The following FEM1B variants were observed in gnomAD, a reference collection of about 807,000 sequenced individuals.
FEM1B encodes the protein fem-1 homolog B.
FEM1B carries 10 observed loss-of-function variants against 38.6 expected under a neutral mutation model. The observed-to-expected ratio is 0.26, with a 90% CI of 0.16 to 0.44. FEM1B has a LOEUF of 0.44. Ranked by LOEUF, FEM1B falls within the 20% of genes least tolerant of loss-of-function variation. The pLI, the probability that FEM1B is intolerant of heterozygous loss-of-function variation, is 1.00. For missense variants in FEM1B, 471 were observed against 786.7 expected (o/e 0.60, Z 4.80); for synonymous variants, 288 against 288.0 (o/e 1.00, Z 0.00).
At position 68,290,890 on chromosome 15, in the gene FEM1B, A is replaced by G; in HGVS notation, c.1532A>G (p.Asn511Ser). ...ACCAATGACGTCTGCAGCTTTCCAAATGCACTTGTCACAAAGCTCCTGCTG... is the reference window on the plus strand; with the variant it reads ...ACCAATGACGTCTGCAGCTTTCCAAGTGCACTTGTCACAAAGCTCCTGCTG... The part of the protein sequence containing the change: ...FHTNDVCSFP[N>S]ALVTKLLLDC... The change falls in exon 2 of 2, where the codon AAT becomes AGT. Residue 511 changes from asparagine (N) to serine (S), a missense_variant. By Grantham distance (46) the Asn-to-Ser change is conservative. Coordinates refer to ENST00000306917, the MANE Select transcript of FEM1B (RefSeq NM_015322.5). This position sits in a 1 kb window ranked among gnomAD's most constrained non-coding sequence, Gnocchi z 9.7. 6.2e-7 allele frequency: 1 copy of G among 1,614,120 alleles called. No individual in the cohort carries two copies. Among genetic ancestry groups the G allele is most frequent in the Non-Finnish European group, 8.5e-7 (1 of 1,180,006 alleles).
At position 68,289,641 on chromosome 15, in the gene FEM1B, G is replaced by A. The variant is rs575989227; in HGVS notation, c.283G>A (p.Ala95Thr). Residue 95 changes from alanine to threonine, a missense_variant, in exon 2 of 2, where the codon GCA becomes ACA. Coordinates refer to ENST00000306917, the MANE Select transcript of FEM1B (RefSeq NM_015322.5). The surrounding 1 kb of genome is among the most constrained non-coding windows in gnomAD (Gnocchi z 6.9). ...TGATGGTGCCACTGCTCTTTGGTGT[G>A]CAGCTGGAGCAGGACATTTTGAAGT... ...VIDGATALWC[A>T]AGAGHFEVVK... The A allele has an allele frequency of 6.2e-7, 1 of 1,614,076 alleles. No individual in the cohort carries two copies. The highest frequency in any genetic ancestry group is 8.5e-7 in the Non-Finnish European group (1 of 1,179,980).
chr15:68,295,329 A>T lies in FEM1B; in HGVS notation c.*4087A>T, dbSNP rs12594282. 11 of 152,322 alleles carry T rather than the reference A, an allele frequency of 7.2e-5. No homozygotes were observed. The East Asian group carries it at 2.1e-3, about 29-fold the overall frequency. 9.4% of individuals were successfully genotyped at this position (152,322 alleles called of 1,614,324 possible). Reference sequence around the variant, plus strand: ...AGCGAAGATGCAAGCTTGCCAAATGATGAAATGAACAAGATTTTGTATCTA... The same window carrying T: ...AGCGAAGATGCAAGCTTGCCAAATGTTGAAATGAACAAGATTTTGTATCTA... On this transcript the variant is annotated 3_prime_UTR_variant, in exon 2 of 2. Transcript: ENST00000306917.
rs55941639 is a variant in FEM1B, at chr15:68,277,828, G to A, written c.-590G>A. Reference sequence around the variant, plus strand: ...CGCTCTTGCGGGAGCGTTCCGCATCGCCCCGGGGGCCCCTACGCGAGGATC... The same window carrying A: ...CGCTCTTGCGGGAGCGTTCCGCATCACCCCGGGGGCCCCTACGCGAGGATC... On this transcript the variant is annotated 5_prime_UTR_variant, in exon 1 of 2. Transcript: ENST00000306917. 50,628 of 152,086 alleles carry A rather than the reference G, an allele frequency of 0.33. 9,035 individuals carry two copies. The highest frequency in any genetic ancestry group is 0.42 in the African/African-American group (17,315 of 41,438). 9.4% of individuals were successfully genotyped at this position (152,086 alleles called of 1,614,324 possible). A position where few individuals can be genotyped will look rare whatever the true frequency, so the allele number is the denominator to read the frequency against.
chr15:68,278,007 C>T lies in FEM1B; in HGVS notation c.-411C>T, dbSNP rs965287779. 15 of 201,646 alleles carry T rather than the reference C, an allele frequency of 7.4e-5. 1 individual carries two copies. The South Asian group carries it at 9.4e-4, about 13-fold the overall frequency. 12.5% of individuals were successfully genotyped at this position (201,646 alleles called of 1,614,324 possible). On this transcript the variant is annotated 5_prime_UTR_variant, in exon 1 of 2. Coordinates refer to ENST00000306917, the MANE Select transcript of FEM1B (RefSeq NM_015322.5). The surrounding 1 kb of genome is among the most constrained non-coding windows in gnomAD (Gnocchi z 5.7). ...GCCGGGTCAGGAGAGACGCGCCCAT[C>T]TTTCGCCATCCGGGGTGCGCGAGGT...
intron 1 of FEM1B, among the ~76,000 whole-genome samples, chr15:68,286,402 G>C (rs894164296): frequency 1.3e-5 from 2 of 151,880 alleles, no homozygotes; most frequent in African/African-American, 4.8e-5. Context: ...TTAGAGAGAG[G>C]TTCTCGCACT....
chr15:68,283,796 T>C (rs1892754013), intron 1 of FEM1B, among the ~76,000 whole-genome samples: 1 of 152,142 alleles, frequency 6.6e-6, no homozygotes, highest in Non-Finnish European at 1.5e-5. Context: ...TTGAAACAAA[T>C]GTTTGAACAA....
chr15:68,287,422 A>G (rs951284925), intron 1 of FEM1B, among the ~76,000 whole-genome samples: 1 of 152,200 alleles, frequency 6.6e-6, no homozygotes, highest in Non-Finnish European at 1.5e-5. Context: ...CTTCCCAGCC[A>G]GTCCTAGCCT....
chr15:68,278,304 C>T lies in FEM1B; in HGVS notation c.-114C>T, dbSNP rs1892684595. 8 of 1,377,906 alleles carry T rather than the reference C, an allele frequency of 5.8e-6. No homozygotes were observed. The highest frequency in any genetic ancestry group is 7.7e-6 in the Non-Finnish European group (8 of 1,033,738). The allele number at this position is 1,377,906 out of a possible 1,614,324, so 85.4% of individuals were successfully genotyped here. On this transcript the variant is annotated 5_prime_UTR_variant, in exon 1 of 2. Coordinates refer to ENST00000306917, the MANE Select transcript of FEM1B (RefSeq NM_015322.5). The surrounding 1 kb of genome is among the most constrained non-coding windows in gnomAD (Gnocchi z 5.7). ...CTGGGCGCGGCGGCGGCGACGGCGCCCTGTTGAATGGGCTGTGAGGGCCCA... is the reference window on the plus strand; with the variant it reads ...CTGGGCGCGGCGGCGGCGACGGCGCTCTGTTGAATGGGCTGTGAGGGCCCA...
rs1343621429 is a variant in FEM1B, at chr15:68,290,264, T to C, written c.906T>C (p.Tyr302=). Reference sequence around the variant, plus strand: ...AGGTTCTTCCACCAATCCATGCTTATGGGAATAGAACTGAATGTAGAAATC... The same window carrying C: ...AGGTTCTTCCACCAATCCATGCTTACGGGAATAGAACTGAATGTAGAAATC... ...EKEVLPPIHA[Y]GNRTECRNPQ... The change falls in exon 2 of 2, where the codon TAT becomes TAC. Residue 302 remains tyrosine, a synonymous_variant. Transcript: ENST00000306917. The surrounding 1 kb of genome is among the most constrained non-coding windows in gnomAD (Gnocchi z 9.7). 1 of 1,614,112 alleles carries C rather than the reference T, an allele frequency of 6.2e-7. No homozygotes were observed. Among genetic ancestry groups the C allele is most frequent in the Admixed American group, 1.7e-5 (1 of 60,028 alleles).
In FEM1B at chr15:68,278,729, C is replaced by A. The variant is rs1595838833; in HGVS notation, c.248+64C>A. On this transcript the variant is annotated intron_variant, in intron 1 of 1. Coordinates refer to ENST00000306917, the MANE Select transcript of FEM1B (RefSeq NM_015322.5). The surrounding 1 kb of genome is among the most constrained non-coding windows in gnomAD (Gnocchi z 5.7). ...GGACTCGTTAATTCACGGGCCCTCCCCTCCCTCACCCTCTCTTACCCTCTC... is the reference window on the plus strand; with the variant it reads ...GGACTCGTTAATTCACGGGCCCTCCACTCCCTCACCCTCTCTTACCCTCTC... 3.8e-6 allele frequency: 6 copies of A among 1,583,652 alleles called. No homozygotes were observed. The highest frequency in any genetic ancestry group is 1.7e-4 in the Middle Eastern group (1 of 5,898).
chr15:68,289,330 C>CGTGAT lies in FEM1B; in HGVS notation c.249-277_249-276insGTGAT. On this transcript the variant is annotated intron_variant, in intron 1 of 1. Coordinates refer to ENST00000306917, the MANE Select transcript of FEM1B (RefSeq NM_015322.5). The surrounding 1 kb of genome is among the most constrained non-coding windows in gnomAD (Gnocchi z 6.9). ...CTCTGTGCCTTCTGAAGTGTCTTTA[C>CGTGAT]TTTTGCTAGTAGAAAGTTCGTGATT... is the stretch of plus-strand genomic sequence containing the variant. 2.9e-6 allele frequency: 1 copy of CGTGAT among 347,228 alleles called. No homozygotes were observed. Among genetic ancestry groups the CGTGAT allele is most frequent in the Non-Finnish European group, 5.3e-6 (1 of 189,844 alleles). The allele number at this position is 347,228 out of a possible 1,614,324, so 21.5% of individuals were successfully genotyped here. A position where few individuals can be genotyped will look rare whatever the true frequency, so the allele number is the denominator to read the frequency against.
At position 68,291,086 on chromosome 15, in the gene FEM1B, G is replaced by A. The variant is rs1892842798; in HGVS notation, c.1728G>A (p.Pro576=). The A allele has an allele frequency of 3.7e-6, 6 of 1,614,052 alleles. No individual in the cohort carries two copies. The highest frequency in any genetic ancestry group is 1.1e-5 in the South Asian group (1 of 91,070). Reference sequence around the variant, plus strand: ...TGACGAATAAACAGAATAAGACTCCGCTAGACAAAAGTACAACTGGGGTAT... The same window carrying A: ...TGACGAATAAACAGAATAAGACTCCACTAGACAAAAGTACAACTGGGGTAT... ...TDMTNKQNKT[P]LDKSTTGVSE... is the part of the protein sequence containing the mutation. The change falls in exon 2 of 2, where the codon CCG becomes CCA. Residue 576 remains proline (P), a synonymous_variant. Coordinates refer to ENST00000306917, the MANE Select transcript of FEM1B (RefSeq NM_015322.5). This position sits in a 1 kb window ranked among gnomAD's most constrained non-coding sequence, Gnocchi z 6.9.
rs577764882 is a variant in FEM1B, at chr15:68,281,068, T to A, written c.248+2403T>A. 6.6e-6 allele frequency among the ~76,000 whole-genome samples: 1 copy of A among 152,374 alleles called. No individual in the cohort carries two copies. Among genetic ancestry groups the A allele is most frequent in the Admixed American group, 6.5e-5 (1 of 15,310 alleles). On this transcript the variant is annotated intron_variant, in intron 1 of 1. Coordinates refer to ENST00000306917, the MANE Select transcript of FEM1B (RefSeq NM_015322.5). The surrounding 1 kb of genome is among the most constrained non-coding windows in gnomAD (Gnocchi z 5.1). Reference sequence around the variant, plus strand: ...ATTTTGCAGTTTATCCCAGTCATTTTAGGATTTTAGAACCAAAAAAGAGTG... The same window carrying A: ...ATTTTGCAGTTTATCCCAGTCATTTAAGGATTTTAGAACCAAAAAAGAGTG...
intron 1 of FEM1B, among the ~76,000 whole-genome samples, chr15:68,287,985 A>T (rs1476889468): frequency 6.6e-6 from 1 of 152,084 alleles, no homozygotes; most frequent in Non-Finnish European, 1.5e-5. Flanking sequence ...GTGTGCCACC[A>T]TGCCCGGCTA....
In FEM1B at chr15:68,278,162, T is replaced by G. The variant is rs2140240384; in HGVS notation, c.-256T>G. 2.3e-6 allele frequency: 1 copy of G among 440,566 alleles called. No homozygotes were observed. The highest frequency in any genetic ancestry group is 4.0e-6 in the Non-Finnish European group (1 of 248,174). 27.3% of individuals were successfully genotyped at this position (440,566 alleles called of 1,614,324 possible). A position where few individuals can be genotyped will look rare whatever the true frequency, so the allele number is the denominator to read the frequency against. On this transcript the variant is annotated 5_prime_UTR_variant, in exon 1 of 2. Transcript: ENST00000306917. The surrounding 1 kb of genome is among the most constrained non-coding windows in gnomAD (Gnocchi z 5.7). Reference sequence around the variant, plus strand: ...ATCCCCTCGGTCCAGGGCCGGCGCCTGGGACCTGGCGGGCGGCCCTGACCG... The same window carrying G: ...ATCCCCTCGGTCCAGGGCCGGCGCCGGGGACCTGGCGGGCGGCCCTGACCG...
intron 1 of FEM1B, among the ~76,000 whole-genome samples, chr15:68,283,011 A>G (rs1892744324): frequency 6.6e-6 from 1 of 152,176 alleles, no homozygotes; most frequent in Non-Finnish European, 1.5e-5. Flanking sequence ...CCTCAATAGA[A>G]ATAGGTAATT....
chr15:68,287,830 CTTTTTTTTTTT>C (rs71455589), intron 1 of FEM1B, among the ~76,000 whole-genome samples: 2 of 114,680 alleles, frequency 1.7e-5, no homozygotes, highest in Non-Finnish European at 3.7e-5. Context: ...GCTAACGTCT[CTTTTTTTTTTT>C]TTTTTTTTTT....
intron 1 of FEM1B, among the ~76,000 whole-genome samples, chr15:68,279,552 A>C (rs1335391156): frequency 6.6e-6 from 1 of 151,946 alleles, no homozygotes; most frequent in East Asian, 1.9e-4. Flanking sequence ...GTTTTGGTTG[A>C]CTTGTGGTAG....
In FEM1B at chr15:68,293,213, A is replaced by T. The variant is rs1415536651; in HGVS notation, c.*1971A>T. On this transcript the variant is annotated 3_prime_UTR_variant, in exon 2 of 2. Transcript: ENST00000306917. This position sits in a 1 kb window ranked among gnomAD's most constrained non-coding sequence, Gnocchi z 5.8. Reference sequence around the variant, plus strand: ...ATGCTTTTTCCACAGTTCAGATCAGACCCTTTATTTTTCAAACTACAAGGC... The same window carrying T: ...ATGCTTTTTCCACAGTTCAGATCAGTCCCTTTATTTTTCAAACTACAAGGC... 2 of 152,122 alleles carry T rather than the reference A, an allele frequency of 1.3e-5. No individual in the cohort carries two copies. The highest frequency in any genetic ancestry group is 2.9e-5 in the Non-Finnish European group (2 of 67,994). The allele number at this position is 152,122 out of a possible 1,614,324, so 9.4% of individuals were successfully genotyped here.
Sources: allele counts gnomAD v4.1 joint callset (sites outside exome capture counted in the v4.1 genomes callset), GRCh38; gene constraint gnomAD v4.1.1; non-coding constraint Gnocchi (gnomAD v3.1); transcripts MANE v1.5; gene names NCBI Gene and HGNC (gene_info 2026-07-23, HGNC 2026-07-21).